Variants in MEIOB observed in about 807,000 individuals in gnomAD.
The protein encoded by MEIOB is meiosis-specific with OB domain-containing protein.
Under a neutral mutation model 53.1 loss-of-function variants are expected in MEIOB, and 50 were observed. The observed-to-expected ratio is 0.94, with a 90% CI of 0.75 to 1.19. MEIOB has a LOEUF of 1.19. MEIOB is among the 50% of genes most tolerant of loss of function. The pLI is 0.00. For missense variants in MEIOB, 551 were observed against 550.8 expected, an observed-to-expected ratio of 1.00 and a Z score of 0.00; for synonymous variants, 192 against 182.5, an observed-to-expected ratio of 1.05 and a Z score of -0.42.
chr16:1,870,244 A>G (rs1044179345), intron 1 of MEIOB, among the ~76,000 whole-genome samples: 1 of 152,238 alleles, frequency 6.6e-6, no homozygotes, highest in Non-Finnish European at 1.5e-5. Context: ...CATCTTACGT[A>G]TTTTTATGTA....
rs928083638 is a variant in MEIOB, at chr16:1,868,183, A to C, written c.-8T>G. 5 of 1,480,706 alleles carry C rather than the reference A, an allele frequency of 3.4e-6. No individual in the cohort carries two copies. The highest frequency in any genetic ancestry group is 3.7e-6 in the Non-Finnish European group (4 of 1,088,612). 91.7% of individuals were successfully genotyped at this position (1,480,706 alleles called of 1,614,324 possible). A position where few individuals can be genotyped will look rare whatever the true frequency, so the allele number is the denominator to read the frequency against. The stretch of plus-strand genomic sequence containing the variant: ...TGCAAAGGAGTTTGCCATTTTTTTA[A>C]TCTGCATTTTAGAAAATATAATTTA... On this transcript the variant is annotated splice_region_variant and 5_prime_UTR_variant, in exon 2 of 14. Coordinates refer to ENST00000325962, the MANE Select transcript of MEIOB (RefSeq NM_001163560.3).
chr16:1,871,345 G>C (rs1238378716), intron 1 of MEIOB, among the ~76,000 whole-genome samples: 1 of 108,540 alleles, frequency 9.2e-6, no homozygotes, highest in Non-Finnish European at 1.9e-5. Flanking sequence ...TCAGCCTCCC[G>C]AGTAGCTGGG....
chr16:1,845,711 T>A (rs138835601), intron 9 of MEIOB, among the ~76,000 whole-genome samples: 1 of 152,112 alleles, frequency 6.6e-6, no homozygotes, highest in African/African-American at 2.4e-5. Context: ...TTGAAATATA[T>A]AAAATAGGCT....
intron 2 of MEIOB, among the ~76,000 whole-genome samples, chr16:1,866,802 T>TA (rs1474363661): frequency 5.3e-5 from 8 of 152,234 alleles, no homozygotes; most frequent in South Asian, 2.1e-4. Context: ...CTTATTTTGC[T>TA]AATTGCAGCA....
Position 1,842,623 on chromosome 16 carries a change from C to CAAAAAAAAAAAAAAAAA in MEIOB, c.881-651_881-650insTTTTTTTTTTTTTTTTT, listed in dbSNP as rs202147878. On this transcript the variant is annotated intron_variant, in intron 10 of 13. Coordinates refer to ENST00000325962, the MANE Select transcript of MEIOB (RefSeq NM_001163560.3). ...GGGCAACAAGAGCAAAACTCCATCT[C>CAAAAAAAAAAAAAAAAA]AAAAAGACAGTGACTCGATTTTTTT... Among the ~76,000 whole-genome samples, 140 of 97,742 alleles carry CAAAAAAAAAAAAAAAAA rather than the reference C, an allele frequency of 1.4e-3. 10 individuals are homozygous for CAAAAAAAAAAAAAAAAA. The highest frequency in any genetic ancestry group is 5.5e-3 in the South Asian group (10 of 1,826). 64.1% of individuals were successfully genotyped at this position (97,742 alleles called of 152,430 possible). A position where few individuals can be genotyped will look rare whatever the true frequency, so the allele number is the denominator to read the frequency against.
intron 9 of MEIOB, among the ~76,000 whole-genome samples, chr16:1,848,543 C>CTT (rs1491207918): frequency 0.11 from 15,378 of 134,904 alleles, 1,074 homozygotes; most frequent in South Asian, 0.17. Flanking sequence ...TTTTTTTTTT[C>CTT]CTTTTTTTTT....
rs961325218 is a variant in MEIOB, at chr16:1,871,465, C to A, written c.-10+528G>T. Among the ~76,000 whole-genome samples, 86 of 140,210 alleles carry A rather than the reference C, an allele frequency of 6.1e-4. 1 individual carries two copies. The highest frequency in any genetic ancestry group is 2.1e-3 in the African/African-American group (80 of 37,498). 92.0% of individuals were successfully genotyped at this position (140,210 alleles called of 152,430 possible). ...CGATCTCCTGACCTCGTGATCCACC[C>A]GCCTCGGCCTCCCAAAGTGCTGGGA... On this transcript the variant is annotated intron_variant, in intron 1 of 13. Coordinates refer to ENST00000325962, the MANE Select transcript of MEIOB (RefSeq NM_001163560.3).
rs574382202 is a variant in MEIOB at position 1,834,671 on chromosome 16, G to T, written c.1306-305C>A. On this transcript the variant is annotated intron_variant, in intron 13 of 13. Transcript: ENST00000325962. ...GCCGGGTGCTGGTGCAGTGGCTCAC[G>T]CCTGTAATCCCAGCACTTTGGGAGG... Among the ~76,000 whole-genome samples the T allele has an allele frequency of 2.9e-4, 44 of 152,212 alleles. 1 individual carries two copies. Among genetic ancestry groups the T allele is most frequent in the Non-Finnish European group, 5.7e-4 (39 of 68,038 alleles).
Position 1,839,310 on chromosome 16 carries a change from G to GT in MEIOB, c.1162dup (p.Thr388AsnfsTer6). 1.2e-6 allele frequency: 2 copies of GT among 1,614,180 alleles called. No homozygotes were observed. Among genetic ancestry groups the GT allele is most frequent in the Non-Finnish European group, 1.7e-6 (2 of 1,180,034 alleles). ...TCCTGTGAGACTACAGGAATGAAGG[G>GT]TGCCTGTGTGATCAGTCAGATCAAT... On this transcript the variant is annotated frameshift_variant, in exon 12 of 14. Transcript: ENST00000325962. LOFTEE classifies it high-confidence loss of function.
At chr16:1,841,427 A>G (rs1898908670) in intron 11 of MEIOB, among the ~76,000 whole-genome samples, 1 of 151,888 alleles carries the variant, frequency 6.6e-6, no homozygotes. Flanking sequence ...CGATCCTCCC[A>G]CCTCAGCCTC....
intron 5 of MEIOB, among the ~76,000 whole-genome samples, chr16:1,860,021 A>C (rs560390093): frequency 1.3e-5 from 2 of 152,338 alleles, no homozygotes; most frequent in African/African-American, 4.8e-5. Context: ...CTCCCACAAG[A>C]GTCCTCCTCT....
chr16:1,848,543 C>T (rs866562622), intron 9 of MEIOB, among the ~76,000 whole-genome samples: 4,584 of 135,230 alleles, frequency 0.034, 220 homozygotes, highest in African/African-American at 0.11. Flanking sequence ...TTTTTTTTTT[C>T]CTTTTTTTTT....
At chr16:1,843,311 A>T (rs116215052) in intron 10 of MEIOB, 19,149 of 151,492 alleles carry the variant, frequency 0.13, 1,226 homozygotes, top group East Asian at 0.16. Flanking sequence ...AAATAAAAAA[A>T]AATAATAAAT....
Position 1,834,247 on chromosome 16 carries a change from T to C in MEIOB, c.*9A>G, listed in dbSNP as rs751857468. On this transcript the variant is annotated 3_prime_UTR_variant, in exon 14 of 14. Coordinates refer to ENST00000325962, the MANE Select transcript of MEIOB (RefSeq NM_001163560.3). ...TATACTTTTCCAGAGTTCAAAATGATAGACCGTTTTAAACATGTTTTTGTC... is the reference window on the plus strand; with the variant it reads ...TATACTTTTCCAGAGTTCAAAATGACAGACCGTTTTAAACATGTTTTTGTC... 1 of 1,495,238 alleles carries C rather than the reference T, an allele frequency of 6.7e-7. No individual in the cohort carries two copies. Among genetic ancestry groups the C allele is most frequent in the South Asian group, 1.2e-5 (1 of 86,372 alleles). The allele number at this position is 1,495,238 out of a possible 1,614,324, so 92.6% of individuals were successfully genotyped here.
chr16:1,869,876 A>AT lies in MEIOB; in HGVS notation c.-9-1693dup, dbSNP rs10681287. 6.1e-4 allele frequency among the ~76,000 whole-genome samples: 86 copies of AT among 140,430 alleles called. 2 individuals are homozygous for AT. The highest frequency in any genetic ancestry group is 7.2e-4 in the Admixed American group (10 of 13,812). The allele number at this position is 140,430 out of a possible 152,430, so 92.1% of individuals were successfully genotyped here. ...ATACTGTGTGAAGGGAAAGGTAGTG[A>AT]TTTTTTTTTTTTTGAGACGGAGTCT... On this transcript the variant is annotated intron_variant, in intron 1 of 13. Coordinates refer to ENST00000325962, the MANE Select transcript of MEIOB (RefSeq NM_001163560.3).
In MEIOB at chr16:1,864,531, C is replaced by T. The variant is rs1213546341; in HGVS notation, c.127+1247G>A. Among the ~76,000 whole-genome samples the T allele has an allele frequency of 3.4e-5, 5 of 147,736 alleles. 1 individual carries two copies. The highest frequency in any genetic ancestry group is 2.5e-5 in the African/African-American group (1 of 39,956). ...GAGACAGAGTTTCACTCTTGCTGCC[C>T]AGGCTGGAGTGCAATGGCGTGATCT... On this transcript the variant is annotated intron_variant, in intron 3 of 13. Coordinates refer to ENST00000325962, the MANE Select transcript of MEIOB (RefSeq NM_001163560.3).
intron 9 of MEIOB, among the ~76,000 whole-genome samples, chr16:1,849,756 A>G (rs1899116091): frequency 1.3e-5 from 2 of 152,156 alleles, no homozygotes; most frequent in East Asian, 3.8e-4. Flanking sequence ...GACAGAATAA[A>G]TCCAAGAAAT....
chr16:1,856,175 A>G (rs1198599359), intron 6 of MEIOB, among the ~76,000 whole-genome samples: 3 of 98,802 alleles, frequency 3.0e-5, no homozygotes, highest in East Asian at 6.1e-4. Context: ...TTTTTTTTTG[A>G]GACGGAGTCT....
chr16:1,838,794 T>C (rs568059064), intron 12 of MEIOB, among the ~76,000 whole-genome samples: 2 of 152,246 alleles, frequency 1.3e-5, no homozygotes, highest in South Asian at 4.1e-4. Context: ...TGGGCTCAAG[T>C]GATTCTCGTG....
Sources: allele counts gnomAD v4.1 joint callset (sites outside exome capture counted in the v4.1 genomes callset), GRCh38; gene constraint gnomAD v4.1.1; transcripts MANE v1.5; gene names NCBI Gene and HGNC (gene_info 2026-07-23, HGNC 2026-07-21).